Variants in BIRC3 observed in about 807,000 individuals in gnomAD.
BIRC3 encodes baculoviral IAP repeat-containing protein 3.
Under a neutral mutation model 59.0 loss-of-function variants are expected in BIRC3, and 26 were observed. The observed-to-expected ratio is 0.44, with a 90% confidence interval of 0.32 to 0.61. BIRC3 has a LOEUF of 0.61. Among genes scored for constraint, BIRC3 ranks in the 20% least tolerant of loss-of-function variants. BIRC3 has a pLI of 0.04. For missense variants in BIRC3, 641 were observed against 711.5 expected (o/e 0.90, Z 1.13); for synonymous variants, 243 against 249.2 (o/e 0.98, Z 0.24).
chr11:102,324,454 A>C lies in BIRC3; in HGVS notation c.-56A>C. The stretch of plus-strand genomic sequence containing the variant: ...AAAACTGATAAAAGCAAAGCCATGC[A>C]CAAAACTACCTCCCTAGAGAAAGGC... On this transcript the variant is annotated 5_prime_UTR_variant, in exon 2 of 9. Coordinates refer to ENST00000263464, the MANE Select transcript of BIRC3 (RefSeq NM_001165.5). 1 of 1,524,668 alleles carries C rather than the reference A, an allele frequency of 6.6e-7. No individual in the cohort carries two copies. Among genetic ancestry groups the C allele is most frequent in the Non-Finnish European group, 8.8e-7 (1 of 1,139,924 alleles). The allele number at this position is 1,524,668 out of a possible 1,614,324, so 94.4% of individuals were successfully genotyped here. A position where few individuals can be genotyped will look rare whatever the true frequency, so the allele number is the denominator to read the frequency against.
intron 1 of BIRC3, among the ~76,000 whole-genome samples, chr11:102,320,628 C>T (rs532430582): frequency 4.7e-4 from 72 of 152,330 alleles, no homozygotes; most frequent in African/African-American, 1.7e-3. Flanking sequence ...AAGGAATATC[C>T]TTCCTTTCCA....
intron 5 of BIRC3, 87 bp from the exon 6 acceptor site, chr11:102,330,912 C>T (rs762221543): frequency 3.0e-6 from 4 of 1,335,814 alleles, no homozygotes; most frequent in South Asian, 1.7e-5. Flanking sequence ...ATTATAAAAC[C>T]TTTCAATTTT....
rs928773274 is a variant in BIRC3 at position 102,338,336 on chromosome 11, A to C, written c.*1234A>C. On this transcript the variant is annotated 3_prime_UTR_variant, in exon 9 of 9. Coordinates refer to ENST00000263464, the MANE Select transcript of BIRC3 (RefSeq NM_001165.5). ...TAGGGGCAGATGGCTCTGTAAGGGCAGAAGGGAAAGACCCCTTCATAAGGG... is the reference window on the plus strand; with the variant it reads ...TAGGGGCAGATGGCTCTGTAAGGGCCGAAGGGAAAGACCCCTTCATAAGGG... 3.9e-5 allele frequency: 9 copies of C among 228,396 alleles called. No homozygotes were observed. In the East Asian group the frequency reaches 5.6e-4, roughly 14 times the overall value. The allele number at this position is 228,396 out of a possible 1,614,324, so 14.1% of individuals were successfully genotyped here. A position where few individuals can be genotyped will look rare whatever the true frequency, so the allele number is the denominator to read the frequency against.
rs934244788 is a variant in BIRC3 at position 102,337,547 on chromosome 11, C to T, written c.*445C>T. ...GTTTGAATCCATCCTGGGCAGCATA[C>T]TGAGACCCTGCCTTTAAAAACAAAC... On this transcript the variant is annotated 3_prime_UTR_variant, in exon 9 of 9. Transcript: ENST00000263464. 6 of 387,926 alleles carry T rather than the reference C, an allele frequency of 1.5e-5. No individual in the cohort carries two copies. The East Asian group carries it at 2.2e-4, about 14-fold the overall frequency. The allele number at this position is 387,926 out of a possible 1,614,324, so 24.0% of individuals were successfully genotyped here.
Position 102,339,033 on chromosome 11 carries a change from A to G in BIRC3, c.*1931A>G, listed in dbSNP as rs558107794. ...TCCATCTCTGCATTCTGATGCTGGGAGACTTATTTCCTTGAAATGCAATTG... is the reference window on the plus strand; with the variant it reads ...TCCATCTCTGCATTCTGATGCTGGGGGACTTATTTCCTTGAAATGCAATTG... On this transcript the variant is annotated 3_prime_UTR_variant, in exon 9 of 9. Transcript: ENST00000263464. 1.2e-3 allele frequency: 170 copies of G among 142,862 alleles called. 6 individuals are homozygous for G. In the Admixed American group the frequency reaches 0.015, roughly 13 times the overall value. The allele number at this position is 142,862 out of a possible 1,614,324, so 8.8% of individuals were successfully genotyped here.
intron 5 of BIRC3, among the ~76,000 whole-genome samples, chr11:102,330,580 T>C (rs918582535): frequency 2.6e-5 from 4 of 152,260 alleles, no homozygotes; most frequent in South Asian, 2.1e-4. Flanking sequence ...CTGATTGCAC[T>C]GTTGAGAATG....
In BIRC3 at chr11:102,338,847, T is replaced by C; in HGVS notation, c.*1745T>C. 4.5e-6 allele frequency: 1 copy of C among 223,912 alleles called. No individual in the cohort carries two copies. The highest frequency in any genetic ancestry group is 5.7e-5 in the Admixed American group (1 of 17,444). 13.9% of individuals were successfully genotyped at this position (223,912 alleles called of 1,614,324 possible). On this transcript the variant is annotated 3_prime_UTR_variant, in exon 9 of 9. Transcript: ENST00000263464. ...ACCTTGGGGAAGAGGAATTCAAGTT[T>C]CTGTGGCTTGCCTTCAGGGAGAATG...
Position 102,328,890 on chromosome 11 carries a change from T to C in BIRC3, c.1033-7T>C, listed in dbSNP as rs200791647. 47 of 1,247,848 alleles carry C rather than the reference T, an allele frequency of 3.8e-5. No homozygotes were observed. In the African/African-American group the frequency reaches 7.1e-4, roughly 19 times the overall value. 77.3% of individuals were successfully genotyped at this position (1,247,848 alleles called of 1,614,324 possible). On this transcript the variant is annotated splice_polypyrimidine_tract_variant and splice_region_variant and intron_variant, in intron 4 of 8. Coordinates refer to ENST00000263464, the MANE Select transcript of BIRC3 (RefSeq NM_001165.5). ...TATATATATATATATATTTTTTTTT[T>C]CTGCAGCTGCTATCCACATCAGACA...
intron 1 of BIRC3, among the ~76,000 whole-genome samples, chr11:102,318,137 G>C (rs190509820): frequency 6.6e-6 from 1 of 152,224 alleles, no homozygotes; most frequent in African/African-American, 2.4e-5. Flanking sequence ...ATTATTTATT[G>C]CTAACATTAA....
chr11:102,329,164 C>T (rs1053916714), intron 5 of BIRC3, among the ~76,000 whole-genome samples: 1 of 152,040 alleles, frequency 6.6e-6, no homozygotes, highest in Admixed American at 6.5e-5. Flanking sequence ...TACTTCAGAC[C>T]TACTGAATTA....
chr11:102,336,567 T>C, intron 7 of BIRC3, 193 bp from the exon 8 acceptor site: 1 of 622,760 alleles, frequency 1.6e-6, no homozygotes, highest in Non-Finnish European at 2.7e-6. Context: ...GCACTCCAGC[T>C]TGGGTGACAG....
chr11:102,327,501 A>G (rs1347241933), intron 3 of BIRC3, among the ~76,000 whole-genome samples: 1 of 152,028 alleles, frequency 6.6e-6, no homozygotes, highest in African/African-American at 2.4e-5. Flanking sequence ...TTAGCCGGCC[A>G]TGGTGGCAGG....
At chr11:102,326,191 G>A (rs968979586) in intron 3 of BIRC3, among the ~76,000 whole-genome samples, 4 of 152,088 alleles carry the variant, frequency 2.6e-5, no homozygotes, top group Non-Finnish European at 5.9e-5. Context: ...ATTATAGCAC[G>A]AGAGAACAGA....
At position 102,323,732 on chromosome 11, in the gene BIRC3, A is replaced by G. The variant is rs1197643071; in HGVS notation, c.-778A>G. 5.0e-6 allele frequency: 1 copy of G among 200,672 alleles called. No individual in the cohort carries two copies. Among genetic ancestry groups the G allele is most frequent in the Non-Finnish European group, 1.0e-5 (1 of 97,588 alleles). 12.4% of individuals were successfully genotyped at this position (200,672 alleles called of 1,614,324 possible). ...TTGTTCTCCTTATTAGAAGGATTGTAGAAAGAAAAAAATGACTAATTGGAG... is the reference window on the plus strand; with the variant it reads ...TTGTTCTCCTTATTAGAAGGATTGTGGAAAGAAAAAAATGACTAATTGGAG... On this transcript the variant is annotated 5_prime_UTR_variant, in exon 2 of 9. Coordinates refer to ENST00000263464, the MANE Select transcript of BIRC3 (RefSeq NM_001165.5).
At chr11:102,331,525 C>T (rs1011555822) in intron 6 of BIRC3, among the ~76,000 whole-genome samples, 1 of 152,046 alleles carries the variant, frequency 6.6e-6, no homozygotes. Flanking sequence ...ATTATGCATT[C>T]ATGGCACATT....
intron 3 of BIRC3, 50 bp from the exon 4 acceptor site, chr11:102,328,002 A>G (rs989594762): frequency 9.8e-6 from 14 of 1,430,058 alleles, no homozygotes; most frequent in Non-Finnish European, 1.3e-5. Flanking sequence ...TTACATTTTC[A>G]TTTCACTTGT....
chr11:102,326,757 G>A (rs910846704), intron 3 of BIRC3: 2 of 454,722 alleles, frequency 4.4e-6, no homozygotes, highest in African/African-American at 2.0e-5. Context: ...GCCCAGATTG[G>A]AGTGCGATGG....
Position 102,323,470 on chromosome 11 carries a change from CA to C in BIRC3, c.-1039del, listed in dbSNP as rs1370348263. 2.1e-5 allele frequency: 4 copies of C among 188,546 alleles called. No individual in the cohort carries two copies. Among genetic ancestry groups the C allele is most frequent in the African/African-American group, 2.3e-5 (1 of 42,850 alleles). The allele number at this position is 188,546 out of a possible 1,614,324, so 11.7% of individuals were successfully genotyped here. On this transcript the variant is annotated 5_prime_UTR_variant, in exon 2 of 9. An upstream start codon of the reference 5' UTR is lost. Transcript: ENST00000263464. ...ACTTAACATTGAGTTGCTTCAACAG[CA>C]TGAAACTGAGTCCAAAAGACCAAAT... is the stretch of plus-strand genomic sequence containing the variant.
Position 102,328,874 on chromosome 11 carries a change from ATATATATT to A in BIRC3, c.1033-21_1033-14del. The A allele has an allele frequency of 3.6e-6, 3 of 837,958 alleles. No homozygotes were observed. Among genetic ancestry groups the A allele is most frequent in the Non-Finnish European group, 4.7e-6 (3 of 634,026 alleles). The allele number at this position is 837,958 out of a possible 1,614,324, so 51.9% of individuals were successfully genotyped here. Reference sequence around the variant, plus strand: ...TATTTTAATTTATATATATATATATATATATATTTTTTTTTTCTGCAGCTGCTATCCAC... The same window carrying A: ...TATTTTAATTTATATATATATATATATTTTTTTTCTGCAGCTGCTATCCAC... On this transcript the variant is annotated splice_polypyrimidine_tract_variant and intron_variant, in intron 4 of 8. Coordinates refer to ENST00000263464, the MANE Select transcript of BIRC3 (RefSeq NM_001165.5).
Sources: gnomAD v4.1 joint callset for allele counts (sites outside exome capture counted in the v4.1 genomes callset) on GRCh38, gnomAD v4.1.1 for gene constraint, MANE v1.5 for transcripts, NCBI Gene and HGNC (gene_info 2026-07-23, HGNC 2026-07-21) for gene names.